ASMTL: variants seen among roughly 807,000 people sequenced by gnomAD.
ASMTL encodes the protein acetylserotonin O-methyltransferase like, also known as probable bifunctional dTTP/UTP pyrophosphatase/methyltransferase protein.
Under a neutral mutation model 60.3 loss-of-function variants are expected in ASMTL, and 57 were observed. The observed-to-expected ratio is 0.95, with a 90% CI of 0.76 to 1.18. ASMTL has a LOEUF of 1.18. ASMTL is among the 50% of genes most tolerant of loss of function. ASMTL has a pLI of 0.00. For missense variants in ASMTL, 981 were observed against 852.6 expected (o/e 1.15, Z -1.88); for synonymous variants, 419 against 373.0 (o/e 1.12, Z -1.42).
intron 3 of ASMTL, 145 bp downstream of exon 3, chrX:1,438,952 T>C (rs2091041550): frequency 1.1e-6 from 1 of 907,704 alleles, no homozygotes; most frequent in Admixed American, 2.1e-5. Flanking sequence ...AGGCCCCTCA[T>C]CTGCTGGTAG....
intron 6 of ASMTL, among the ~76,000 whole-genome samples, chrX:1,428,749 T>C (rs1322512906): frequency 3.4e-5 from 5 of 147,818 alleles, no homozygotes; most frequent in African/African-American, 1.3e-4. Flanking sequence ...CCATTCAGCA[T>C]CTCATCTACG....
chrX:1,434,016 C>T lies in ASMTL; in HGVS notation c.400+1006G>A, dbSNP rs1180447198. Among the ~76,000 whole-genome samples, 12 of 152,106 alleles carry T rather than the reference C, an allele frequency of 7.9e-5. 1 individual carries two copies. The highest frequency in any genetic ancestry group is 5.9e-4 in the Admixed American group (9 of 15,268). On this transcript the variant is annotated intron_variant, in intron 5 of 12. Transcript: ENST00000381317. ...CCAGGGATATGGGGCTGGGATTGTG[C>T]GTGGAGGTCCCATGGGACCCGGCCC... is the stretch of plus-strand genomic sequence containing the variant.
intron 3 of ASMTL, 23 bp downstream of exon 3, chrX:1,439,074 C>T (rs374170582): frequency 8.1e-6 from 13 of 1,613,342 alleles, no homozygotes; most frequent in Middle Eastern, 1.6e-4. Context: ...ACATTAGAAA[C>T]GAGGCACCCT....
At position 1,427,729 on chromosome X, in the gene ASMTL, G is replaced by C. The variant is rs1431044240; in HGVS notation, c.897+5C>G. 6.3e-7 allele frequency: 1 copy of C among 1,598,568 alleles called. No homozygotes were observed. Among genetic ancestry groups the C allele is most frequent in the Non-Finnish European group, 8.6e-7 (1 of 1,169,178 alleles). On this transcript the variant is annotated splice_donor_5th_base_variant and intron_variant, in intron 7 of 12. Transcript: ENST00000381317. ...AATGTGGCCTGAGGAGACAGACACA[G>C]GTACCTTGGATAGCATAAAGCCCTC...
chrX:1,436,416 G>T (rs1372132561), intron 3 of ASMTL, among the ~76,000 whole-genome samples: 3 of 152,020 alleles, frequency 2.0e-5, no homozygotes, highest in Non-Finnish European at 4.4e-5. Context: ...GCAGTGGCGC[G>T]ATCTCGGCTC....
intron 10 of ASMTL, among the ~76,000 whole-genome samples, chrX:1,418,496 G>A (rs2090380920): frequency 6.6e-6 from 1 of 152,062 alleles, no homozygotes; most frequent in African/African-American, 2.4e-5. Flanking sequence ...TCTCCTTCCT[G>A]CCATGGGGAT....
At chrX:1,446,865 T>C (rs1383058289) in intron 1 of ASMTL, among the ~76,000 whole-genome samples, 2 of 152,206 alleles carry the variant, frequency 1.3e-5, no homozygotes. Context: ...AAAACTATAG[T>C]TACCCCTGTC....
At chrX:1,406,398 GAA>G in intron 12 of ASMTL, among the ~76,000 whole-genome samples, 1 of 139,824 alleles carries the variant, frequency 7.2e-6, no homozygotes, top group African/African-American at 3.1e-5. Context: ...GTAGGTAGAT[GAA>G]TGGATGGATA....
intron 6 of ASMTL, among the ~76,000 whole-genome samples, chrX:1,428,936 G>A (rs745435547): frequency 6.6e-6 from 1 of 150,944 alleles, no homozygotes; most frequent in African/African-American, 2.4e-5. Flanking sequence ...TCGCTCTGTC[G>A]CCCAGGCTGG....
At chrX:1,423,699 T>C (rs1226137967) in intron 8 of ASMTL, among the ~76,000 whole-genome samples, 5 of 145,352 alleles carry the variant, frequency 3.4e-5, no homozygotes, top group African/African-American at 1.3e-4. Context: ...CATCCATCCA[T>C]TCCCCCACCC....
At chrX:1,403,683 AAGG>A (rs1319702875) in intron 12 of ASMTL, 194 bp from the exon 13 acceptor site, 4 of 605,504 alleles carry the variant, frequency 6.6e-6, no homozygotes, top group Non-Finnish European at 1.2e-5. Flanking sequence ...AGACAGGGAG[AAGG>A]AGATTTGATC....
intron 1 of ASMTL, among the ~76,000 whole-genome samples, chrX:1,446,036 T>G (rs2091223862): frequency 6.6e-6 from 1 of 152,154 alleles, no homozygotes; most frequent in Admixed American, 6.5e-5. Context: ...CTGTGGTGCT[T>G]TGCTTCAGTG....
chrX:1,435,291 G>A, intron 4 of ASMTL: 1 of 650,020 alleles, frequency 1.5e-6, no homozygotes. Context: ...ACCAGCAGTG[G>A]CCCTGACGGG....
Position 1,442,276 on chromosome X carries a change from C to A in ASMTL, c.135G>T (p.Lys45Asn). The A allele has an allele frequency of 6.2e-7, 1 of 1,613,912 alleles. No individual in the cohort carries two copies. Among genetic ancestry groups the A allele is most frequent in the South Asian group, 1.1e-5 (1 of 91,070 alleles). The change falls in exon 2 of 13, where the codon AAG becomes AAT. Residue 45 changes from lysine (K) to asparagine (N), a missense_variant. Transcript: ENST00000381317. ...FEVVPSKFKEKLDKASFATPY... is the reference protein window; with the variant it reads ...FEVVPSKFKENLDKASFATPY... ...GAGTAGCGAAGGAGGCTTTGTCCAG[C>A]TTCTCTTTAAACTTGGAGGGGACCA...
At position 1,435,076 on chromosome X, in the gene ASMTL, C is replaced by T. The variant is rs756746477; in HGVS notation, c.346G>A (p.Gly116Arg). The T allele has an allele frequency of 6.2e-7, 1 of 1,614,018 alleles. No individual in the cohort carries two copies. The highest frequency in any genetic ancestry group is 1.1e-5 in the South Asian group (1 of 91,080). Residue 116 changes from glycine (G) to arginine (R), a missense_variant, in exon 5 of 13, where the codon GGG becomes AGG. Gly to Arg is a moderately radical substitution (Grantham distance 125, BLOSUM62 -2). Transcript: ENST00000381317. The part of the protein sequence containing the change: ...DAYRMLSRLS[G>R]REHSVFTGVA... ...CCTGTGAACACGCTGTGTTCTCTCC[C>T]ACTCAACCTGTAAGACAACAACGGG...
chrX:1,420,859 T>C (rs1237314244), intron 9 of ASMTL, among the ~76,000 whole-genome samples: 2 of 152,170 alleles, frequency 1.3e-5, no homozygotes, highest in African/African-American at 4.8e-5. Flanking sequence ...AGCAGCACCA[T>C]CACGGCTTAC....
At chrX:1,442,682 G>A (rs1277240732) in intron 1 of ASMTL, among the ~76,000 whole-genome samples, 1 of 152,156 alleles carries the variant, frequency 6.6e-6, no homozygotes, top group Non-Finnish European at 1.5e-5. Context: ...GATTCCCAGA[G>A]ACCTGAAGGT....
chrX:1,443,073 C>T (rs191219098), intron 1 of ASMTL, among the ~76,000 whole-genome samples: 70 of 144,666 alleles, frequency 4.8e-4, no homozygotes, highest in African/African-American at 1.8e-3. Context: ...ACACCGTCGT[C>T]GTGGACACAC....
Position 1,427,851 on chromosome X carries a change from G to C in ASMTL, c.780C>G (p.Ala260=). The C allele has an allele frequency of 6.2e-7, 1 of 1,613,302 alleles. No individual in the cohort carries two copies. The highest frequency in any genetic ancestry group is 8.5e-7 in the Non-Finnish European group (1 of 1,179,866). ...QRDAGSRDEK[A]EAGEAGQATA... ...TGGCCTGTCCCGCCTCTCCCGCCTCGGCCTTCTCATCGCGGCTGCCCGCGT... is the reference window on the plus strand; with the variant it reads ...TGGCCTGTCCCGCCTCTCCCGCCTCCGCCTTCTCATCGCGGCTGCCCGCGT... The change falls in exon 7 of 13, where the codon GCC becomes GCG. Residue 260 remains alanine, a synonymous_variant. Transcript: ENST00000381317.
Sources: gnomAD v4.1 joint callset for allele counts (sites outside exome capture counted in the v4.1 genomes callset) on GRCh38, gnomAD v4.1.1 for gene constraint, MANE v1.5 for transcripts, NCBI Gene and HGNC (gene_info 2026-07-23, HGNC 2026-07-21) for gene names.